Variants in FZD3 observed in about 807,000 individuals in gnomAD.
FZD3 encodes frizzled class receptor 3.
A neutral mutation model predicts 60.7 loss-of-function variants in FZD3; 30 were observed. The ratio of observed to expected loss-of-function variants is 0.49; its 90% CI spans 0.37 to 0.67. FZD3 has a LOEUF of 0.67. FZD3 is among the 30% of genes least tolerant of loss of function. The probability of loss-of-function intolerance (pLI) is 0.00; values close to 1 mark genes in which losing one functional copy is unlikely to be tolerated. For synonymous variants in FZD3, 246 were observed against 275.2 expected (o/e 0.89, Z 1.05); for missense variants, 605 against 838.7 (o/e 0.72, Z 3.44).
At chr8:28,498,818 G>A (rs964580055) in intron 1 of FZD3, among the ~76,000 whole-genome samples, 9 of 152,136 alleles carry the variant, frequency 5.9e-5, no homozygotes, top group African/African-American at 9.7e-5. Flanking sequence ...GCATGCCTTC[G>A]TCTCCCAAAA....
At chr8:28,499,366 C>T (rs1803931047) in intron 1 of FZD3, among the ~76,000 whole-genome samples, 1 of 152,002 alleles carries the variant, frequency 6.6e-6, no homozygotes, top group African/African-American at 2.4e-5. Context: ...TTTTTAGTAA[C>T]TATATAATAT....
In FZD3 at chr8:28,528,019, G is replaced by A; in HGVS notation, c.1259G>A (p.Arg420Gln). 1 of 1,613,916 alleles carries A rather than the reference G, an allele frequency of 6.2e-7. No homozygotes were observed. The highest frequency in any genetic ancestry group is 8.5e-7 in the Non-Finnish European group (1 of 1,179,874). The change falls in exon 5 of 8, where the codon CGG (arginine) becomes CAG (glutamine). Residue 420 changes from arginine (R) to glutamine (Q), a missense_variant. Physicochemically the swap from Arg to Gln is conservative, Grantham distance 43. Transcript: ENST00000240093. The part of the protein sequence containing the change: ...NQDKLVKFMI[R>Q]IGVFSILYLV... ...GATAAATTAGTGAAGTTTATGATCC[G>A]GATCGGTGTTTTCAGCATTCTTTAT... is the stretch of plus-strand genomic sequence containing the variant.
intron 6 of FZD3, among the ~76,000 whole-genome samples, chr8:28,553,016 A>G (rs929149684): frequency 6.6e-6 from 1 of 152,188 alleles, no homozygotes; most frequent in Non-Finnish European, 1.5e-5. Flanking sequence ...TGCAAATACT[A>G]CACCATTTTA....
rs768120381 is a variant in FZD3, at chr8:28,527,744, A to G, written c.984A>G (p.Ala328=). 3 of 1,614,174 alleles carry G rather than the reference A, an allele frequency of 1.9e-6. No individual in the cohort carries two copies. Among genetic ancestry groups the G allele is most frequent in the Non-Finnish European group, 2.5e-6 (3 of 1,179,998 alleles). The part of the protein sequence containing the change: ...KWGSEAIEKK[A]LLFHASAWGI... ...GTAGTGAAGCTATTGAGAAGAAAGCATTGCTGTTTCACGCCAGTGCATGGG... is the reference window on the plus strand; with the variant it reads ...GTAGTGAAGCTATTGAGAAGAAAGCGTTGCTGTTTCACGCCAGTGCATGGG... Residue 328 remains alanine, a synonymous_variant, in exon 5 of 8, where the codon GCA becomes GCG. Coordinates refer to ENST00000240093, the MANE Select transcript of FZD3 (RefSeq NM_017412.4). The surrounding 1 kb of genome is among the most constrained non-coding windows in gnomAD (Gnocchi z 5.0).
In FZD3 at chr8:28,561,580, A is replaced by T. The variant is rs1316948643; in HGVS notation, c.1788-1218A>T. Among the ~76,000 whole-genome samples, 5 of 138,124 alleles carry T rather than the reference A, an allele frequency of 3.6e-5. No homozygotes were observed. In the East Asian group the frequency reaches 8.4e-4, roughly 23 times the overall value. 90.6% of individuals were successfully genotyped at this position (138,124 alleles called of 152,430 possible). A position where few individuals can be genotyped will look rare whatever the true frequency, so the allele number is the denominator to read the frequency against. On this transcript the variant is annotated intron_variant, in intron 7 of 7. Transcript: ENST00000240093. ...AACAGATCTGCAGCTGCTTATGATT[A>T]GTTTTTTTGATGACTGTTTAAAAAA...
chr8:28,498,236 G>A (rs1176524961), intron 1 of FZD3, among the ~76,000 whole-genome samples: 18 of 151,944 alleles, frequency 1.2e-4, no homozygotes, highest in Admixed American at 1.2e-3. Flanking sequence ...CAGGGCCCTG[G>A]CCCCTGAAGC....
Position 28,557,323 on chromosome 8 carries a change from C to A in FZD3, c.1787+1352C>A, listed in dbSNP as rs192394304. Among the ~76,000 whole-genome samples the A allele has an allele frequency of 3.1e-3, 463 of 150,462 alleles. 6 individuals are homozygous for A. The highest frequency in any genetic ancestry group is 2.7e-3 in the Non-Finnish European group (184 of 67,676). The stretch of plus-strand genomic sequence containing the variant: ...TTTGGGGTGTTTTTTTTTAAGATTT[C>A]TTTTGGGAAACTGAAAGAATGAAAA... On this transcript the variant is annotated intron_variant, in intron 7 of 7. Transcript: ENST00000240093.
intron 4 of FZD3, among the ~76,000 whole-genome samples, chr8:28,524,411 C>G (rs1395946625): frequency 6.6e-6 from 1 of 152,160 alleles, no homozygotes; most frequent in Non-Finnish European, 1.5e-5. Flanking sequence ...TTTGTAACCA[C>G]TTGTCTTGGT....
At chr8:28,498,753 T>C (rs1803913264) in intron 1 of FZD3, among the ~76,000 whole-genome samples, 1 of 152,120 alleles carries the variant, frequency 6.6e-6, no homozygotes, top group Admixed American at 6.6e-5. Flanking sequence ...TTAGTAGAGA[T>C]GGGTTTTTGC....
intron 1 of FZD3, among the ~76,000 whole-genome samples, chr8:28,498,697 C>G (rs1393112453): frequency 6.6e-6 from 1 of 152,186 alleles, no homozygotes; most frequent in Non-Finnish European, 1.5e-5. Flanking sequence ...CAAGCCCCTC[C>G]TGAATAGCTG....
rs76959971 is a variant in FZD3 at position 28,496,974 on chromosome 8, T to C, written c.-391+2631T>C. ...GATTTAAGAGAAGCTGGGCTGAAAT[T>C]TCAGCCCATTTTAAAGTCCAGAATC... On this transcript the variant is annotated intron_variant, in intron 1 of 7. Transcript: ENST00000240093. Among the ~76,000 whole-genome samples, 33 of 152,336 alleles carry C rather than the reference T, an allele frequency of 2.2e-4. No individual in the cohort carries two copies. The East Asian group carries it at 6.4e-3, about 29-fold the overall frequency.
chr8:28,495,698 C>G (rs1302488986), intron 1 of FZD3, among the ~76,000 whole-genome samples: 1 of 151,822 alleles, frequency 6.6e-6, no homozygotes, highest in Non-Finnish European at 1.5e-5. Flanking sequence ...TCTTTTTCCT[C>G]CAGAAAAAAG....
intron 3 of FZD3, among the ~76,000 whole-genome samples, chr8:28,515,510 C>G (rs929396892): frequency 3.9e-5 from 6 of 152,220 alleles, no homozygotes; most frequent in African/African-American, 1.2e-4. Flanking sequence ...GAGTCTTCCC[C>G]TGGGGTGGGC....
chr8:28,526,149 A>T (rs1804709512), intron 4 of FZD3, among the ~76,000 whole-genome samples: 1 of 151,944 alleles, frequency 6.6e-6, no homozygotes, highest in African/African-American at 2.4e-5. Flanking sequence ...AACATGGGAA[A>T]ATTGTAGTGT....
intron 3 of FZD3, among the ~76,000 whole-genome samples, chr8:28,518,049 T>G (rs1804478184): frequency 6.6e-6 from 1 of 152,046 alleles, no homozygotes; most frequent in Non-Finnish European, 1.5e-5. Flanking sequence ...TTTATTTATT[T>G]ATTTCAGAGA....
intron 3 of FZD3, among the ~76,000 whole-genome samples, chr8:28,504,334 A>G (rs1804080643): frequency 6.6e-6 from 1 of 152,252 alleles, no homozygotes; most frequent in Non-Finnish European, 1.5e-5. Context: ...CTATCAGATT[A>G]GGATATATAA....
At chr8:28,506,795 C>G (rs1170836719) in intron 3 of FZD3, among the ~76,000 whole-genome samples, 1 of 152,112 alleles carries the variant, frequency 6.6e-6, no homozygotes, top group Non-Finnish European at 1.5e-5. Flanking sequence ...TCATTAAGAA[C>G]AGAGTATGTT....
chr8:28,552,480 G>T (rs1393682212), intron 6 of FZD3, among the ~76,000 whole-genome samples: 2 of 152,076 alleles, frequency 1.3e-5, no homozygotes, highest in Non-Finnish European at 2.9e-5. Context: ...TGGAACAAAT[G>T]ATTTCAAACT....
Position 28,559,071 on chromosome 8 carries a change from G to A in FZD3, c.1787+3100G>A, listed in dbSNP as rs577022648. On this transcript the variant is annotated intron_variant, in intron 7 of 7. Coordinates refer to ENST00000240093, the MANE Select transcript of FZD3 (RefSeq NM_017412.4). ...ATTGGTTCGTGAAAGTATCTTAAAG[G>A]AGATACGTAGGGTGAATGAACAGTA... 1.3e-3 allele frequency among the ~76,000 whole-genome samples: 195 copies of A among 152,204 alleles called. 2 individuals carry two copies. Among genetic ancestry groups the A allele is most frequent in the Non-Finnish European group, 1.0e-3 (70 of 68,024 alleles).
Sources: gnomAD v4.1 joint callset for allele counts (sites outside exome capture counted in the v4.1 genomes callset) on GRCh38, gnomAD v4.1.1 for gene constraint, Gnocchi (gnomAD v3.1) non-coding constraint, MANE v1.5 for transcripts, NCBI Gene and HGNC (gene_info 2026-07-23, HGNC 2026-07-21) for gene names.